TTC29: variants seen among roughly 807,000 people sequenced by gnomAD.
The protein encoded by TTC29 is tetratricopeptide repeat domain 29, also known as tetratricopeptide repeat protein 29.
In TTC29, 49 loss-of-function variants were observed where a neutral mutation model predicts 58.1. The ratio of observed to expected loss-of-function variants is 0.84; its 90% CI spans 0.67 to 1.07. The LOEUF (loss-of-function observed/expected upper bound fraction) is 1.07, where lower values mean the gene tolerates loss of function less well. TTC29 is among the 50% of genes least tolerant of loss of function. TTC29 has a pLI of 0.00. For synonymous variants in TTC29, 209 were observed against 196.8 expected (o/e 1.06, Z -0.52); for missense variants, 582 against 555.6 (o/e 1.05, Z -0.48).
intron 11 of TTC29, among the ~76,000 whole-genome samples, chr4:146,799,046 G>C (rs1011521852): frequency 6.6e-6 from 1 of 152,066 alleles, no homozygotes; most frequent in African/African-American, 2.4e-5. Flanking sequence ...ATCTTTTGCT[G>C]AAAGTCACAA....
intron 8 of TTC29, among the ~76,000 whole-genome samples, chr4:146,866,960 G>A (rs1249588931): frequency 2.0e-5 from 3 of 152,040 alleles, no homozygotes; most frequent in Non-Finnish European, 4.4e-5. Flanking sequence ...AACAAAACCT[G>A]GTTGCAAAAT....
chr4:146,880,743 A>G (rs998846874), intron 6 of TTC29, among the ~76,000 whole-genome samples: 1 of 152,146 alleles, frequency 6.6e-6, no homozygotes, highest in African/African-American at 2.4e-5. Flanking sequence ...TAAAGGCAGG[A>G]ACATAAATGT....
intron 5 of TTC29, among the ~76,000 whole-genome samples, 165 bp from the exon 6 acceptor site, chr4:146,903,894 T>C (rs1302073634): frequency 6.6e-6 from 1 of 152,178 alleles, no homozygotes; most frequent in Admixed American, 6.5e-5. Flanking sequence ...TTAACTATTA[T>C]ATTAATTACA....
At chr4:146,711,893 T>C (rs964130) in intron 11 of TTC29, among the ~76,000 whole-genome samples, 7,200 of 152,190 alleles carry the variant, frequency 0.047, 522 homozygotes, top group African/African-American at 0.14. Flanking sequence ...GGCCTGCTTA[T>C]AATATGATTT....
intron 11 of TTC29, among the ~76,000 whole-genome samples, chr4:146,766,753 A>AT (rs1249621713): frequency 1.3e-5 from 2 of 152,006 alleles, no homozygotes; most frequent in African/African-American, 4.8e-5. Context: ...TTGTTAAATA[A>AT]TTTTTTCTCA....
At chr4:146,939,153 TA>T (rs1736125170) in intron 3 of TTC29, among the ~76,000 whole-genome samples, 1 of 152,138 alleles carries the variant, frequency 6.6e-6, no homozygotes. Context: ...CCTTGTAGAT[TA>T]AAAGCATTAC....
chr4:146,855,877 A>G (rs1405166163), intron 8 of TTC29, among the ~76,000 whole-genome samples: 4 of 152,214 alleles, frequency 2.6e-5, no homozygotes, highest in Non-Finnish European at 5.9e-5. Flanking sequence ...ATTCCTGTTT[A>G]ACACATCTAA....
At chr4:146,937,096 C>T (rs762367369) in intron 4 of TTC29, among the ~76,000 whole-genome samples, 3 of 151,800 alleles carry the variant, frequency 2.0e-5, no homozygotes, top group Non-Finnish European at 4.4e-5. Flanking sequence ...AAGTTTGTAT[C>T]GTTCATCTAA....
chr4:146,935,775 A>G (rs571197059), intron 4 of TTC29, among the ~76,000 whole-genome samples: 18 of 152,354 alleles, frequency 1.2e-4, no homozygotes, highest in Admixed American at 9.1e-4. Context: ...TTAGATATAA[A>G]GTGAGTACTT....
intron 11 of TTC29, among the ~76,000 whole-genome samples, chr4:146,764,476 A>G (rs1044905347): frequency 6.6e-6 from 1 of 152,050 alleles, no homozygotes; most frequent in Non-Finnish European, 1.5e-5. Flanking sequence ...ATGTTTCTTA[A>G]GGCATTACTG....
At chr4:146,902,137 G>A (rs1483511030) in intron 6 of TTC29, among the ~76,000 whole-genome samples, 1 of 152,150 alleles carries the variant, frequency 6.6e-6, no homozygotes. Context: ...TACATTGAGT[G>A]CAGCAGCTTC....
intron 4 of TTC29, among the ~76,000 whole-genome samples, chr4:146,922,012 C>CAAAAAAAAAAAA (rs34167190): frequency 3.7e-5 from 4 of 107,392 alleles, no homozygotes; most frequent in African/African-American, 3.8e-5. Flanking sequence ...GGATCCCCTA[C>CAAAAAAAAAAAA]AAAAAAAAAA....
chr4:146,939,978 T>C, intron 2 of TTC29, 77 bp from the exon 3 acceptor site: 1 of 1,380,354 alleles, frequency 7.2e-7, no homozygotes, highest in Non-Finnish European at 9.8e-7. Context: ...TTATTAGAGA[T>C]TTACAGTCTG....
At chr4:146,834,762 T>C (rs1019880942) in intron 8 of TTC29, among the ~76,000 whole-genome samples, 1 of 152,182 alleles carries the variant, frequency 6.6e-6, no homozygotes, top group Non-Finnish European at 1.5e-5. Flanking sequence ...AAACACCTTG[T>C]CTGCTACTGC....
At chr4:146,817,139 AT>A (rs1208941700) in intron 10 of TTC29, among the ~76,000 whole-genome samples, 1 of 152,222 alleles carries the variant, frequency 6.6e-6, no homozygotes, top group Non-Finnish European at 1.5e-5. Context: ...AGGAAGTCAA[AT>A]TGTCTCTGTT....
chr4:146,752,107 G>A (rs1165549014), intron 11 of TTC29, among the ~76,000 whole-genome samples: 1 of 151,818 alleles, frequency 6.6e-6, no homozygotes, highest in Non-Finnish European at 1.5e-5. Context: ...CATTCAATTA[G>A]GAAAAGAGGA....
intron 6 of TTC29, among the ~76,000 whole-genome samples, chr4:146,890,005 C>T (rs1321131846): frequency 1.3e-5 from 2 of 152,068 alleles, no homozygotes; most frequent in Admixed American, 1.3e-4. Context: ...CATGCCACTC[C>T]ACCATTGGTA....
intron 11 of TTC29, among the ~76,000 whole-genome samples, chr4:146,796,934 G>T (rs527548664): frequency 6.6e-6 from 1 of 151,918 alleles, no homozygotes; most frequent in Admixed American, 6.6e-5. Context: ...ATGATCTGGG[G>T]CCCCAAAATA....
At chr4:146,723,113 T>C (rs1346826463) in intron 11 of TTC29, among the ~76,000 whole-genome samples, 1 of 151,994 alleles carries the variant, frequency 6.6e-6, no homozygotes, top group East Asian at 1.9e-4. Context: ...CCAGGTGTGG[T>C]GGCACGTGCC....
Sources: allele counts gnomAD v4.1 joint callset (sites outside exome capture counted in the v4.1 genomes callset), GRCh38; gene constraint gnomAD v4.1.1; transcripts MANE v1.5; gene names NCBI Gene and HGNC (gene_info 2026-07-23, HGNC 2026-07-21).